TENM1: variants seen among roughly 807,000 people sequenced by gnomAD.
TENM1 encodes the protein teneurin-1.
A neutral mutation model predicts 174.8 loss-of-function variants in TENM1; 35 were observed. The ratio of observed to expected loss-of-function variants is 0.20; its 90% CI spans 0.15 to 0.27. TENM1 has a LOEUF of 0.27. Among genes scored for constraint, TENM1 ranks in the 10% least tolerant of loss-of-function variants. The probability of loss-of-function intolerance (pLI) is 1.00; values close to 1 mark genes in which losing one functional copy is unlikely to be tolerated. For synonymous variants in TENM1, 781 were observed against 798.7 expected, an observed-to-expected ratio of 0.98 and a Z score of 0.37; for missense variants, 1,633 against 2,130.1, an observed-to-expected ratio of 0.77 and a Z score of 4.59.
the TENM1 span, among the ~76,000 whole-genome samples, chrX:125,117,244 G>A: frequency 8.5e-3 from 947 of 111,564 alleles, 8 homozygotes; most frequent in African/African-American, 0.026. Context: ...ATATGTACAC[G>A]TATGTTTATT....
At chrX:125,046,086 A>T in the TENM1 span, among the ~76,000 whole-genome samples, 2 of 111,879 alleles carry the variant, frequency 1.8e-5, no homozygotes, top group Non-Finnish European at 3.8e-5. Context: ...ATTTCCAATC[A>T]ATTTCTGGTG....
At chrX:125,057,288 C>A in the TENM1 span, among the ~76,000 whole-genome samples, 4 of 110,358 alleles carry the variant, frequency 3.6e-5, no homozygotes, top group Non-Finnish European at 7.6e-5. Context: ...AGTCAAGTGA[C>A]CGGGGTGGGC....
At chrX:124,906,053 C>G (rs754520104) in intron 1 of TENM1, among the ~76,000 whole-genome samples, 2 of 111,662 alleles carry the variant, frequency 1.8e-5, no homozygotes, top group Non-Finnish European at 3.8e-5. Context: ...CCATTGTAAC[C>G]TGAAAATATT....
At chrX:124,547,230 C>T (rs2048450844) in intron 14 of TENM1, 140 bp from the exon 18 acceptor site, 5 of 478,423 alleles carry the variant, frequency 1.0e-5, no homozygotes, top group African/African-American at 2.4e-5. Context: ...TTGTTAAATT[C>T]ACATTTTTCA....
chrX:125,169,493 G>T, the TENM1 span, among the ~76,000 whole-genome samples: 199 of 111,620 alleles, frequency 1.8e-3, no homozygotes, highest in Non-Finnish European at 2.9e-3. Flanking sequence ...GCACAGTCAG[G>T]CTTTGGCCTT....
intron 11 of TENM1, among the ~76,000 whole-genome samples, chrX:124,623,364 GTGTA>G (rs1020876971): frequency 9.0e-6 from 1 of 111,613 alleles, no homozygotes; most frequent in Non-Finnish European, 1.9e-5. Context: ...GTGTGTTTGG[GTGTA>G]TGTGTGTTCG....
chrX:124,838,565 A>G (rs150722841), intron 3 of TENM1, among the ~76,000 whole-genome samples: 5,798 of 111,171 alleles, frequency 0.052, 253 homozygotes, highest in African/African-American at 0.13. Flanking sequence ...AAAGAAAATC[A>G]AGAAAAGGAC....
intron 11 of TENM1, among the ~76,000 whole-genome samples, chrX:124,630,720 G>T (rs1390563318): frequency 9.0e-6 from 1 of 111,059 alleles, no homozygotes; most frequent in Non-Finnish European, 1.9e-5. Context: ...TTGGGCCTGT[G>T]CAAGATTAGG....
the TENM1 span, among the ~76,000 whole-genome samples, chrX:125,018,286 C>T: frequency 1.8e-5 from 2 of 111,405 alleles, no homozygotes; most frequent in African/African-American, 6.5e-5. Context: ...TCATGGAGCT[C>T]AGATGTTAAA....
chrX:124,744,288 A>T (rs751950795), intron 3 of TENM1, among the ~76,000 whole-genome samples: 2 of 112,059 alleles, frequency 1.8e-5, no homozygotes, highest in African/African-American at 6.5e-5. Context: ...TTTGTAGAGT[A>T]GTTTCGTAAT....
chrX:124,726,748 CT>C lies in TENM1; in HGVS notation c.776+10208del, dbSNP rs201161265. The stretch of plus-strand genomic sequence containing the variant: ...TTGCAAATGTTCTAGAAAAAAACTA[CT>C]TATAAATGTTAGGTATATTTTAGCA... On this transcript the variant is annotated intron_variant, in intron 4 of 31. Transcript: ENST00000422452. Among the ~76,000 whole-genome samples, 724 of 111,903 alleles carry C rather than the reference CT, an allele frequency of 6.5e-3. 3 individuals are homozygous for C. Among genetic ancestry groups the C allele is most frequent in the African/African-American group, 0.022 (683 of 30,817 alleles).
chrX:124,846,319 G>A (rs1425704520), intron 3 of TENM1, among the ~76,000 whole-genome samples: 1 of 110,163 alleles, frequency 9.1e-6, no homozygotes, highest in African/African-American at 3.3e-5. Context: ...GAGCTGAACC[G>A]CAAAAAAACT....
At chrX:124,484,852 A>G (rs941907869) in intron 21 of TENM1, among the ~76,000 whole-genome samples, 1 of 110,644 alleles carries the variant, frequency 9.0e-6, no homozygotes, top group African/African-American at 3.3e-5. Context: ...TTTTTTTCCT[A>G]ACATATCTTT....
At chrX:124,489,673 G>GAGGT (rs1241646505) in intron 20 of TENM1, among the ~76,000 whole-genome samples, 2 of 111,722 alleles carry the variant, frequency 1.8e-5, no homozygotes, top group Non-Finnish European at 3.8e-5. Context: ...ATGTTTTTGT[G>GAGGT]AGGTAAGGGA....
intron 4 of TENM1, among the ~76,000 whole-genome samples, chrX:124,718,980 C>G (rs1311181410): frequency 9.0e-6 from 1 of 111,570 alleles, no homozygotes; most frequent in African/African-American, 3.3e-5. Flanking sequence ...AGATACGCTG[C>G]TAAACATCCT....
chrX:125,031,463 T>G, the TENM1 span, among the ~76,000 whole-genome samples: 1 of 111,863 alleles, frequency 8.9e-6, no homozygotes, highest in Non-Finnish European at 1.9e-5. Context: ...TGTAAAAGAT[T>G]GGTAACTGAA....
At chrX:125,183,710 G>A in the TENM1 span, among the ~76,000 whole-genome samples, 1 of 111,504 alleles carries the variant, frequency 9.0e-6, no homozygotes, top group Non-Finnish European at 1.9e-5. Context: ...TTATTATAAC[G>A]CCAGTACTAG....
exon 18 of TENM1, chrX:124,520,695 C>A: frequency 8.3e-7 from 1 of 1,210,183 alleles, no homozygotes; most frequent in Non-Finnish European, 1.1e-6. Flanking sequence ...TCAGAAGGAT[C>A]CGTAGCAGGG....
chrX:125,080,741 G>A, the TENM1 span, among the ~76,000 whole-genome samples: 1 of 110,523 alleles, frequency 9.0e-6, no homozygotes. Context: ...CTGGCACAAT[G>A]TTAATATCTT....
Sources: gnomAD v4.1 joint callset for allele counts (sites outside exome capture counted in the v4.1 genomes callset) on GRCh38, gnomAD v4.1.1 for gene constraint, MANE v1.5 for transcripts, NCBI Gene and HGNC (gene_info 2026-07-23, HGNC 2026-07-21) for gene names.